HDAC9: variants seen among roughly 807,000 people sequenced by gnomAD.
HDAC9 encodes the protein histone deacetylase 9.
A neutral mutation model predicts 139.4 loss-of-function variants in HDAC9; 41 were observed. The ratio of observed to expected loss-of-function variants is 0.29; its 90% CI spans 0.23 to 0.38. The LOEUF (loss-of-function observed/expected upper bound fraction) is 0.38. Ranked by LOEUF, HDAC9 falls within the 10% of genes least tolerant of loss-of-function variation. The pLI is 1.00. For synonymous variants in HDAC9, 517 were observed against 476.2 expected (o/e 1.09, Z -1.12); for missense variants, 1,147 against 1,297.0 (o/e 0.88, Z 1.78).
chr7:18,422,476 A>G (rs1789712506), intron 1 of HDAC9, among the ~76,000 whole-genome samples: 1 of 152,128 alleles, frequency 6.6e-6, no homozygotes, highest in Non-Finnish European at 1.5e-5. Context: ...CATGCAGAAA[A>G]TCCTAATCTA....
intron 22 of HDAC9, among the ~76,000 whole-genome samples, chr7:18,927,196 A>G (rs1397504316): frequency 1.3e-5 from 2 of 152,198 alleles, no homozygotes; most frequent in South Asian, 4.1e-4. Context: ...AAAGGACTTT[A>G]TGGTAGCGAC....
chr7:18,389,863 A>G (rs1237431655), intron 1 of HDAC9, among the ~76,000 whole-genome samples: 3 of 152,168 alleles, frequency 2.0e-5, no homozygotes, highest in Admixed American at 6.5e-5. Context: ...AGGGGTTAAT[A>G]AAAGTTGGCT....
intron 1 of HDAC9, among the ~76,000 whole-genome samples, chr7:18,403,892 G>C (rs1356784250): frequency 6.6e-6 from 1 of 152,152 alleles, no homozygotes; most frequent in African/African-American, 2.4e-5. Context: ...ATCTACCCTG[G>C]GTAGGGCAGG....
chr7:18,709,334 A>G (rs555849821), intron 12 of HDAC9, among the ~76,000 whole-genome samples: 22 of 152,180 alleles, frequency 1.4e-4, no homozygotes, highest in African/African-American at 4.8e-4. Flanking sequence ...GCTGAGGAGG[A>G]TGGCTTCTAG....
chr7:18,087,599 G>A (rs998461622), intron 1 of HDAC9, among the ~76,000 whole-genome samples: 1 of 152,162 alleles, frequency 6.6e-6, no homozygotes, highest in African/African-American at 2.4e-5. Flanking sequence ...TTATTGGGGG[G>A]TACCTTTGAT....
At chr7:18,591,667 C>G (rs762286193) in intron 5 of HDAC9, 25 bp downstream of exon 5, 5 of 1,610,396 alleles carry the variant, frequency 3.1e-6, no homozygotes, top group Admixed American at 1.7e-5. Context: ...TGGCTGTTTT[C>G]ATTCCTGGGG....
At chr7:18,930,476 C>G (rs1804640896) in intron 22 of HDAC9, among the ~76,000 whole-genome samples, 1 of 152,088 alleles carries the variant, frequency 6.6e-6, no homozygotes, top group African/African-American at 2.4e-5. Flanking sequence ...AACACACACA[C>G]ACACACGTAC....
At chr7:18,932,848 A>AG (rs772073673) in intron 22 of HDAC9, among the ~76,000 whole-genome samples, 1 of 138,204 alleles carries the variant, frequency 7.2e-6, no homozygotes, top group African/African-American at 2.8e-5. Flanking sequence ...AGGAAGGAAA[A>AG]AAAGAAAGAA....
chr7:18,863,719 A>G (rs1798278685), intron 21 of HDAC9, among the ~76,000 whole-genome samples: 1 of 152,176 alleles, frequency 6.6e-6, no homozygotes, highest in African/African-American at 2.4e-5. Context: ...GGTAAGTGTT[A>G]TGGTGAAAAA....
chr7:18,150,537 T>A (rs1206424170), intron 1 of HDAC9, among the ~76,000 whole-genome samples: 1 of 152,200 alleles, frequency 6.6e-6, no homozygotes, highest in Non-Finnish European at 1.5e-5. Context: ...GACATCAATT[T>A]TGCTGAGAAT....
At chr7:18,971,249 G>A (rs1445330881) in intron 24 of HDAC9, among the ~76,000 whole-genome samples, 1 of 152,128 alleles carries the variant, frequency 6.6e-6, no homozygotes, top group Non-Finnish European at 1.5e-5. Flanking sequence ...CTGAAAAGTG[G>A]GACAATTTAC....
rs201894399 is a variant in HDAC9, at chr7:18,946,995, G to A, written c.2938-7151G>A. On this transcript the variant is annotated intron_variant, in intron 23 of 25. Transcript: ENST00000686413. Reference sequence around the variant, plus strand: ...ACCACAGTGAGGTAATTAGAAAATCGTATATATTTTGAGATTTCAAATATA... The same window carrying A: ...ACCACAGTGAGGTAATTAGAAAATCATATATATTTTGAGATTTCAAATATA... Among the ~76,000 whole-genome samples the A allele has an allele frequency of 9.2e-5, 14 of 151,894 alleles. No individual in the cohort carries two copies. In the East Asian group the frequency reaches 2.3e-3, roughly 25 times the overall value.
intron 6 of HDAC9, among the ~76,000 whole-genome samples, chr7:18,629,073 T>C (rs976517551): frequency 1.3e-5 from 2 of 152,164 alleles, no homozygotes; most frequent in African/African-American, 4.8e-5. Context: ...CCAAATCTGC[T>C]AGATAAAATA....
intron 6 of HDAC9, among the ~76,000 whole-genome samples, chr7:18,619,073 T>C (rs188002145): frequency 1.3e-5 from 2 of 152,178 alleles, no homozygotes; most frequent in Admixed American, 1.3e-4. Flanking sequence ...CTTAGGTAAA[T>C]AAAATATATT....
At chr7:18,769,527 T>A (rs1256918139) in intron 16 of HDAC9, among the ~76,000 whole-genome samples, 1 of 149,308 alleles carries the variant, frequency 6.7e-6, no homozygotes, top group East Asian at 1.9e-4. Flanking sequence ...AGAGATGTGA[T>A]GCTTATGTAG....
At chr7:18,521,737 C>T (rs182113478) in intron 2 of HDAC9, among the ~76,000 whole-genome samples, 128 of 152,066 alleles carry the variant, frequency 8.4e-4, no homozygotes, top group Admixed American at 2.6e-3. Context: ...TTTAGAAAAA[C>T]GATAATAAAT....
intron 12 of HDAC9, among the ~76,000 whole-genome samples, chr7:18,670,387 T>C (rs563152753): frequency 6.6e-6 from 1 of 152,206 alleles, no homozygotes; most frequent in African/African-American, 2.4e-5. Context: ...ACGTTTATAT[T>C]CTTGTTGTTA....
At chr7:18,151,964 C>T (rs1786812909) in intron 1 of HDAC9, 2 of 152,152 alleles carry the variant, frequency 1.3e-5, no homozygotes, top group African/African-American at 2.4e-5. Context: ...GAAAGGAGGA[C>T]ATTTTTACCA....
At chr7:18,574,435 A>T (rs1333453652) in intron 2 of HDAC9, among the ~76,000 whole-genome samples, 1 of 152,224 alleles carries the variant, frequency 6.6e-6, no homozygotes, top group Non-Finnish European at 1.5e-5. Flanking sequence ...ATGGACGGCC[A>T]TGGGTGGGCC....
Sources: gnomAD v4.1 joint callset for allele counts (sites outside exome capture counted in the v4.1 genomes callset) on GRCh38, gnomAD v4.1.1 for gene constraint, MANE v1.5 for transcripts, NCBI Gene and HGNC (gene_info 2026-07-23, HGNC 2026-07-21) for gene names.